The following GRIK2 variants were observed in gnomAD, a reference collection of about 807,000 sequenced individuals.
GRIK2 encodes the protein glutamate receptor ionotropic, kainate 2.
GRIK2 carries 32 observed loss-of-function variants against 100.3 expected under a neutral mutation model. The observed-to-expected ratio is 0.32, with a 90% CI of 0.24 to 0.43. The LOEUF (loss-of-function observed/expected upper bound fraction) is 0.43, where lower values mean the gene tolerates loss of function less well. GRIK2 is among the 20% of genes least tolerant of loss of function. The pLI is 1.00. For synonymous variants in GRIK2, 417 were observed against 389.4 expected (o/e 1.07, Z -0.83); for missense variants, 843 against 1,114.9 (o/e 0.76, Z 3.47).
intron 7 of GRIK2, among the ~76,000 whole-genome samples, chr6:101,760,921 G>C (rs2128391136): frequency 6.6e-6 from 1 of 151,342 alleles, no homozygotes; most frequent in East Asian, 1.9e-4. Context: ...CATCTACACA[G>C]TGTCTGTCTC....
At chr6:101,993,346 A>G (rs528928301) in intron 14 of GRIK2, 2 of 151,636 alleles carry the variant, frequency 1.3e-5, no homozygotes, top group African/African-American at 4.8e-5. Context: ...AAAAAGGAAG[A>G]TATATTTACT....
Position 101,867,177 on chromosome 6 carries a change from C to T in GRIK2, c.1524+7684C>T, listed in dbSNP as rs763979800. On this transcript the variant is annotated intron_variant, in intron 11 of 16. Coordinates refer to ENST00000369134, the MANE Select transcript of GRIK2 (RefSeq NM_021956.5). ...TAAGTGAAAGCCTGAATTCCTTTTA[C>T]GCCCTTTCTGAAGCAGTACCTCCCC... 3.9e-5 allele frequency among the ~76,000 whole-genome samples: 6 copies of T among 151,974 alleles called. No homozygotes were observed. The East Asian group carries it at 5.8e-4, about 15-fold the overall frequency.
chr6:101,962,681 T>C (rs1792377649), intron 14 of GRIK2, among the ~76,000 whole-genome samples: 1 of 152,182 alleles, frequency 6.6e-6, no homozygotes, highest in African/African-American at 2.4e-5. Context: ...AATTCTGTAA[T>C]TTTTTGCTTC....
chr6:102,058,697 C>T (rs769280676), intron 16 of GRIK2, among the ~76,000 whole-genome samples: 2 of 151,342 alleles, frequency 1.3e-5, no homozygotes, highest in East Asian at 1.9e-4. Context: ...TTTACTTTTA[C>T]TTATCATAAT....
At chr6:101,440,164 T>C (rs1163925777) in intron 2 of GRIK2, among the ~76,000 whole-genome samples, 1 of 152,062 alleles carries the variant, frequency 6.6e-6, no homozygotes, top group Non-Finnish European at 1.5e-5. Context: ...AATATTTCCC[T>C]GGAAAAGTGC....
At chr6:101,527,651 A>T (rs1194482687) in intron 2 of GRIK2, among the ~76,000 whole-genome samples, 1 of 152,118 alleles carries the variant, frequency 6.6e-6, no homozygotes, top group Non-Finnish European at 1.5e-5. Context: ...CAAGCTGTGC[A>T]CAGTGGTTTT....
At chr6:101,407,121 A>G (rs1353588399) in intron 2 of GRIK2, among the ~76,000 whole-genome samples, 1 of 152,102 alleles carries the variant, frequency 6.6e-6, no homozygotes, top group Non-Finnish European at 1.5e-5. Flanking sequence ...TATTTGGTCT[A>G]TTTTATGTTG....
At chr6:101,968,301 A>T (rs2128485022) in intron 14 of GRIK2, among the ~76,000 whole-genome samples, 1 of 152,212 alleles carries the variant, frequency 6.6e-6, no homozygotes, top group South Asian at 2.1e-4. Context: ...AGCTTTTTAA[A>T]ACCCTTTATA....
chr6:101,478,057 T>A (rs1239156119), intron 2 of GRIK2, among the ~76,000 whole-genome samples: 1 of 152,204 alleles, frequency 6.6e-6, no homozygotes, highest in Non-Finnish European at 1.5e-5. Flanking sequence ...TGATAGATTA[T>A]GGACTACCAA....
At chr6:101,617,805 A>G (rs901286014) in intron 2 of GRIK2, among the ~76,000 whole-genome samples, 3 of 151,476 alleles carry the variant, frequency 2.0e-5, no homozygotes, top group Admixed American at 6.6e-5. Context: ...TTTTTTGTAG[A>G]TTCTTTAAAA....
intron 2 of GRIK2, among the ~76,000 whole-genome samples, chr6:101,429,739 A>T (rs986858432): frequency 6.6e-6 from 1 of 152,116 alleles, no homozygotes; most frequent in Non-Finnish European, 1.5e-5. Flanking sequence ...TCCTTACACA[A>T]TGACGTGTTG....
intron 7 of GRIK2, among the ~76,000 whole-genome samples, chr6:101,724,294 G>A (rs1270342018): frequency 1.3e-5 from 2 of 151,742 alleles, no homozygotes; most frequent in African/African-American, 4.8e-5. Flanking sequence ...CCATCACCCA[G>A]ATAGTAAACA....
chr6:101,773,763 ATTAC>A (rs1438902180), intron 7 of GRIK2, among the ~76,000 whole-genome samples: 1 of 152,126 alleles, frequency 6.6e-6, no homozygotes, highest in Non-Finnish European at 1.5e-5. Context: ...AGCTTACCAT[ATTAC>A]TTAAAGGTGA....
chr6:101,564,045 C>T (rs999532253), intron 2 of GRIK2, among the ~76,000 whole-genome samples: 7 of 152,050 alleles, frequency 4.6e-5, no homozygotes, highest in African/African-American at 9.7e-5. Context: ...TGGATCCACC[C>T]GCCAAGGCTG....
intron 14 of GRIK2, among the ~76,000 whole-genome samples, chr6:102,009,789 C>T (rs1795425186): frequency 6.6e-6 from 1 of 152,058 alleles, no homozygotes; most frequent in South Asian, 2.1e-4. Context: ...AACAACTATA[C>T]TATATTAGGT....
At chr6:101,576,614 T>C (rs1447858708) in intron 2 of GRIK2, among the ~76,000 whole-genome samples, 2 of 152,084 alleles carry the variant, frequency 1.3e-5, no homozygotes, top group Non-Finnish European at 2.9e-5. Context: ...TGTCACATTA[T>C]GCATAGAAAT....
intron 14 of GRIK2, among the ~76,000 whole-genome samples, chr6:101,979,205 A>T (rs1793574138): frequency 6.6e-6 from 1 of 151,970 alleles, no homozygotes; most frequent in Non-Finnish European, 1.5e-5. Context: ...GTAGTCAGAG[A>T]GTGGACTACA....
At chr6:101,909,160 G>T (rs765636074) in intron 12 of GRIK2, among the ~76,000 whole-genome samples, 35 of 150,936 alleles carry the variant, frequency 2.3e-4, no homozygotes, top group Non-Finnish European at 3.9e-4. Context: ...AAAAATAATT[G>T]ACCTCATAAT....
chr6:101,850,115 G>A (rs542983378), intron 10 of GRIK2, among the ~76,000 whole-genome samples: 58 of 151,942 alleles, frequency 3.8e-4, no homozygotes, highest in Non-Finnish European at 6.8e-4. Flanking sequence ...TCTCAAAAAC[G>A]TAGCCTGTGA....
Sources: allele counts gnomAD v4.1 joint callset (sites outside exome capture counted in the v4.1 genomes callset), GRCh38; gene constraint gnomAD v4.1.1; transcripts MANE v1.5; gene names NCBI Gene and HGNC (gene_info 2026-07-23, HGNC 2026-07-21).